H2BC18: variants seen among roughly 807,000 people sequenced by gnomAD.
H2BC18 encodes H2B clustered histone 18, also known as histone H2B type 2-F.
A neutral mutation model predicts 6.3 loss-of-function variants in H2BC18; 8 were observed. That is an observed-to-expected ratio of 1.28 (90% CI 0.75 to 2.31). The LOEUF (loss-of-function observed/expected upper bound fraction) is 2.31, where lower values mean the gene tolerates loss of function less well. H2BC18 is among the 30% of genes most tolerant of loss of function. H2BC18 has a pLI of 0.00. For missense variants in H2BC18, 106 were observed against 174.5 expected, an observed-to-expected ratio of 0.61 and a Z score of 2.21; for synonymous variants, 104 against 78.1, an observed-to-expected ratio of 1.33 and a Z score of -1.75.
At chr1:149,804,644 GT>G (rs376627893) in intron 1 of H2BC18, among the ~76,000 whole-genome samples, 3,699 of 151,842 alleles carry the variant, frequency 0.024, 145 homozygotes, top group African/African-American at 0.085. Flanking sequence ...TATTTACCAT[GT>G]TCCAGCCACT....
At chr1:149,802,860 A>G (rs1235406518) in intron 1 of H2BC18, among the ~76,000 whole-genome samples, 1 of 152,148 alleles carries the variant, frequency 6.6e-6, no homozygotes, top group African/African-American at 2.4e-5. Context: ...AGAGGGATGA[A>G]AGCCAGAACT....
chr1:149,785,591 G>C (rs2091527186), intron 1 of H2BC18: 1 of 151,720 alleles, frequency 6.6e-6, no homozygotes, highest in Non-Finnish European at 1.5e-5. Context: ...GGGCTGGGAA[G>C]AGTCCATTTT....
downstream of H2BC18, chr1:149,810,567 G>A (rs1457562501): frequency 6.6e-6 from 1 of 151,792 alleles, no homozygotes; most frequent in African/African-American, 2.4e-5. Context: ...AGATTTTCCA[G>A]TTGCACCAAG....
intron 1 of H2BC18, among the ~76,000 whole-genome samples, chr1:149,797,294 G>A (rs1285433902): frequency 6.6e-6 from 1 of 151,846 alleles, no homozygotes; most frequent in Non-Finnish European, 1.5e-5. Flanking sequence ...CTTTATTCAG[G>A]TATTTTACTT....
chr1:149,785,115 T>A (rs2091506402), intron 1 of H2BC18, among the ~76,000 whole-genome samples: 3 of 152,184 alleles, frequency 2.0e-5, no homozygotes, highest in African/African-American at 7.2e-5. Flanking sequence ...ACTGCAATAT[T>A]CTTCAGGGAA....
downstream of H2BC18, among the ~76,000 whole-genome samples, chr1:149,807,821 A>G (rs1398872295): frequency 6.8e-5 from 9 of 133,172 alleles, no homozygotes; most frequent in Admixed American, 4.2e-4. Context: ...AGAAGAAAGA[A>G]AGAGAGAGAG....
chr1:149,801,071 G>A (rs2091864067), intron 1 of H2BC18, among the ~76,000 whole-genome samples: 1 of 152,136 alleles, frequency 6.6e-6, no homozygotes, highest in South Asian at 2.1e-4. Flanking sequence ...GGGTAATAGA[G>A]TGAGACCCGG....
chr1:149,811,919 A>G lies in H2BC18; in HGVS notation c.*24T>C. On this transcript the variant is annotated 3_prime_UTR_variant, in exon 1 of 1. Transcript: ENST00000369167. ...AAGAGCCTTTGGGGTTAGGTGGTTGATCTATTGCGTCCCTTGCACACTCTT... is the reference window on the plus strand; with the variant it reads ...AAGAGCCTTTGGGGTTAGGTGGTTGGTCTATTGCGTCCCTTGCACACTCTT... 6.3e-7 allele frequency: 1 copy of G among 1,593,046 alleles called. No individual in the cohort carries two copies. The highest frequency in any genetic ancestry group is 8.6e-7 in the Non-Finnish European group (1 of 1,162,564).
At chr1:149,805,771 C>A (rs1451185911) in intron 1 of H2BC18, among the ~76,000 whole-genome samples, 3 of 151,944 alleles carry the variant, frequency 2.0e-5, no homozygotes, top group Non-Finnish European at 4.4e-5. Context: ...AAAGCACCTA[C>A]CTTCATAGGA....
chr1:149,801,261 G>A (rs1488676333), intron 1 of H2BC18, among the ~76,000 whole-genome samples: 2 of 150,906 alleles, frequency 1.3e-5, no homozygotes, highest in Non-Finnish European at 3.0e-5. Context: ...GTCCTCCTTG[G>A]CACTCTTCAC....
intron 1 of H2BC18, among the ~76,000 whole-genome samples, chr1:149,784,702 ATAT>A (rs1553750630): frequency 2.6e-4 from 1 of 3,868 alleles, no homozygotes; most frequent in Non-Finnish European, 7.4e-4. Context: ...TATATAAACT[ATAT>A]ATATATATAT....
downstream of H2BC18, among the ~76,000 whole-genome samples, chr1:149,808,101 GAATT>G (rs587737682): frequency 2.3e-3 from 344 of 151,902 alleles, 1 homozygote; most frequent in African/African-American, 8.0e-3. Context: ...GAGGGGTGAG[GAATT>G]AATAACCTCT....
downstream of H2BC18, among the ~76,000 whole-genome samples, chr1:149,808,984 C>T (rs1438677435): frequency 1.4e-5 from 2 of 146,462 alleles, no homozygotes; most frequent in Admixed American, 1.4e-4. Flanking sequence ...TTTTAAAATA[C>T]ATTATTTGTC....
intron 1 of H2BC18, among the ~76,000 whole-genome samples, chr1:149,799,478 A>G (rs1553753080): frequency 6.6e-6 from 1 of 151,802 alleles, no homozygotes; most frequent in East Asian, 1.9e-4. Context: ...ATCCTGTGAA[A>G]TATCCTCCTT....
chr1:149,788,949 A>G (rs1346586757), intron 1 of H2BC18, among the ~76,000 whole-genome samples: 1 of 151,972 alleles, frequency 6.6e-6, no homozygotes, highest in African/African-American at 2.4e-5. Flanking sequence ...GAGTTAGAAA[A>G]TAATACCATG....
At chr1:149,807,645 A>C (rs2091932844), downstream of H2BC18, among the ~76,000 whole-genome samples, 1 of 151,792 alleles carries the variant, frequency 6.6e-6, no homozygotes, top group Admixed American at 6.6e-5. Context: ...ATTTCTACAA[A>C]AATACAAAAT....
At chr1:149,791,503 C>T in intron 1 of H2BC18, 1 of 1,609,878 alleles carries the variant, frequency 6.2e-7, no homozygotes, top group Non-Finnish European at 8.5e-7. Flanking sequence ...GAAGGAGCCC[C>T]AGGGGGCCAC....
chr1:149,789,417 T>C (rs2091643163), intron 1 of H2BC18, among the ~76,000 whole-genome samples: 1 of 149,986 alleles, frequency 6.7e-6, no homozygotes, highest in Non-Finnish European at 1.5e-5. Flanking sequence ...ATAATAATAA[T>C]AATGATGATA....
intron 1 of H2BC18, among the ~76,000 whole-genome samples, chr1:149,788,909 A>G (rs2091623769): frequency 6.6e-6 from 1 of 151,944 alleles, no homozygotes; most frequent in Non-Finnish European, 1.5e-5. Flanking sequence ...TTAGTTGTAA[A>G]GAATACAGAC....
Sources: allele counts gnomAD v4.1 joint callset (sites outside exome capture counted in the v4.1 genomes callset), GRCh38; gene constraint gnomAD v4.1.1; transcripts MANE v1.5; gene names NCBI Gene and HGNC (gene_info 2026-07-23, HGNC 2026-07-21).